ARHGAP32: variants seen among roughly 807,000 people sequenced by gnomAD.
The protein encoded by ARHGAP32 is rho GTPase-activating protein 32.
Under a neutral mutation model 186.5 loss-of-function variants are expected in ARHGAP32, and 51 were observed. The ratio of observed to expected loss-of-function variants is 0.27; its 90% CI spans 0.22 to 0.35. The LOEUF (loss-of-function observed/expected upper bound fraction) is 0.35, where lower values mean the gene tolerates loss of function less well. Ranked by LOEUF, ARHGAP32 falls within the 10% of genes least tolerant of loss-of-function variation. ARHGAP32 has a pLI of 1.00. For missense variants in ARHGAP32, 2,186 were observed against 2,623.5 expected, an observed-to-expected ratio of 0.83 and a Z score of 3.64; for synonymous variants, 950 against 964.3, an observed-to-expected ratio of 0.99 and a Z score of 0.27.
chr11:129,115,416 C>T (rs561643209), intron 5 of ARHGAP32, among the ~76,000 whole-genome samples: 1 of 152,202 alleles, frequency 6.6e-6, no homozygotes, highest in South Asian at 2.1e-4. Flanking sequence ...CTTAACAGAC[C>T]TAAGAGTTTT....
intron 1 of ARHGAP32, among the ~76,000 whole-genome samples, chr11:129,258,390 G>C (rs1420702294): frequency 6.6e-6 from 1 of 152,180 alleles, no homozygotes; most frequent in Non-Finnish European, 1.5e-5. Flanking sequence ...CCGGTGTTCT[G>C]ATTCCTTCTC....
intron 5 of ARHGAP32, among the ~76,000 whole-genome samples, chr11:129,116,130 G>C (rs1942361809): frequency 1.3e-5 from 2 of 152,050 alleles, no homozygotes; most frequent in South Asian, 4.1e-4. Context: ...GCTACAGAGA[G>C]ACAGAGAAAG....
intron 6 of ARHGAP32, among the ~76,000 whole-genome samples, chr11:129,084,322 C>G (rs1263428836): frequency 1.2e-4 from 18 of 148,442 alleles, no homozygotes; most frequent in African/African-American, 4.2e-4. Context: ...AGACCAAAAC[C>G]AGACAAAGAC....
intron 1 of ARHGAP32, among the ~76,000 whole-genome samples, chr11:129,215,081 TTCTC>T (rs1216685952): frequency 6.6e-6 from 1 of 152,074 alleles, no homozygotes; most frequent in Admixed American, 6.6e-5. Context: ...GTTAACAACT[TTCTC>T]TCCTCTTTCT....
chr11:129,142,254 G>T (rs1007146591), intron 2 of ARHGAP32, among the ~76,000 whole-genome samples: 1 of 151,992 alleles, frequency 6.6e-6, no homozygotes, highest in East Asian at 1.9e-4. Flanking sequence ...TTGCCAAACC[G>T]AGCCAAAAGC....
chr11:129,028,760 G>C (rs747803931), intron 11 of ARHGAP32, among the ~76,000 whole-genome samples: 1 of 152,168 alleles, frequency 6.6e-6, no homozygotes, highest in African/African-American at 2.4e-5. Flanking sequence ...GATGGGATTA[G>C]GGAGAGGTGG....
chr11:128,983,387 C>T (rs1276535984), intron 15 of ARHGAP32, among the ~76,000 whole-genome samples: 1 of 145,900 alleles, frequency 6.9e-6, no homozygotes, highest in African/African-American at 2.5e-5. Context: ...GTATTTAGAT[C>T]GCAAGGACAA....
Position 129,238,612 on chromosome 11 carries a change from A to C in ARHGAP32, c.-5+40534T>G, listed in dbSNP as rs150019240. On this transcript the variant is annotated intron_variant, in intron 1 of 6. Coordinates refer to the ARHGAP32 transcript ENST00000525234. ...TCAACTGCAAATTGGGTGTGGTGGC[A>C]CGCACCTGTAGTCCCAGCTACTTAC... 9.9e-3 allele frequency among the ~76,000 whole-genome samples: 1,510 copies of C among 152,222 alleles called. 12 individuals carry two copies. The highest frequency in any genetic ancestry group is 0.017 in the Non-Finnish European group (1,129 of 68,000).
chr11:129,193,581 T>TA (rs1944323956), upstream of ARHGAP32, among the ~76,000 whole-genome samples: 5 of 55,798 alleles, frequency 9.0e-5, no homozygotes, highest in East Asian at 2.0e-3. Flanking sequence ...TATATATATA[T>TA]TATATAATAT....
intron 1 of ARHGAP32, among the ~76,000 whole-genome samples, chr11:129,166,424 G>A (rs1038821713): frequency 2.6e-5 from 4 of 151,842 alleles, no homozygotes; most frequent in African/African-American, 9.7e-5. Flanking sequence ...TAAACCTCAA[G>A]CAGAATTTTT....
At chr11:129,057,311 CTCCATG>C (rs1940293208) in intron 10 of ARHGAP32, among the ~76,000 whole-genome samples, 1 of 152,084 alleles carries the variant, frequency 6.6e-6, no homozygotes, top group African/African-American at 2.4e-5. Context: ...TCTGCTAGTC[CTCCATG>C]TCCTGCCTGC....
intron 1 of ARHGAP32, among the ~76,000 whole-genome samples, chr11:129,265,545 G>C (rs751059796): frequency 1.3e-5 from 2 of 152,156 alleles, no homozygotes; most frequent in Non-Finnish European, 2.9e-5. Context: ...AAAAGACCTG[G>C]ATTTAAAGTA....
At chr11:129,066,007 T>C (rs964283138) in intron 7 of ARHGAP32, among the ~76,000 whole-genome samples, 3 of 152,170 alleles carry the variant, frequency 2.0e-5, no homozygotes, top group African/African-American at 7.2e-5. Context: ...CTATATTCGT[T>C]TACAACATCT....
intron 13 of ARHGAP32, 139 bp from the exon 14 acceptor site, chr11:128,986,807 A>G (rs1175169781): frequency 1.3e-6 from 1 of 780,368 alleles, no homozygotes; most frequent in African/African-American, 1.8e-5. Flanking sequence ...ATTATATTTC[A>G]TTTAAGTTGT....
intron 10 of ARHGAP32, among the ~76,000 whole-genome samples, chr11:129,052,350 T>C (rs1275615303): frequency 6.6e-6 from 1 of 152,232 alleles, no homozygotes; most frequent in Non-Finnish European, 1.5e-5. Flanking sequence ...TCTCCAACTT[T>C]GTTCTTTTTC....
intron 1 of ARHGAP32, among the ~76,000 whole-genome samples, chr11:129,265,573 T>G (rs1251610387): frequency 6.6e-6 from 1 of 152,138 alleles, no homozygotes; most frequent in Non-Finnish European, 1.5e-5. Context: ...ATCCCCCACA[T>G]AGTTGAGTAA....
intron 11 of ARHGAP32, among the ~76,000 whole-genome samples, chr11:128,999,449 T>G (rs1393756970): frequency 1.3e-5 from 2 of 152,176 alleles, no homozygotes; most frequent in Non-Finnish European, 1.5e-5. Flanking sequence ...CCTGGTCCTG[T>G]GATCTCGCTC....
chr11:129,000,864 G>A (rs1315378245), intron 11 of ARHGAP32, among the ~76,000 whole-genome samples: 3 of 151,980 alleles, frequency 2.0e-5, no homozygotes, highest in African/African-American at 7.3e-5. Context: ...CCACAAATAA[G>A]TGAGAATGTA....
intron 1 of ARHGAP32, among the ~76,000 whole-genome samples, chr11:129,182,440 T>C (rs1233121117): frequency 6.6e-6 from 1 of 152,174 alleles, no homozygotes; most frequent in African/African-American, 2.4e-5. Flanking sequence ...TCGTCATATG[T>C]CCTTGCTTAC....
Sources: gnomAD v4.1 joint callset for allele counts (sites outside exome capture counted in the v4.1 genomes callset) on GRCh38, gnomAD v4.1.1 for gene constraint, MANE v1.5 for transcripts, NCBI Gene and HGNC (gene_info 2026-07-23, HGNC 2026-07-21) for gene names.